The following ZRANB3 variants were observed in gnomAD, a reference collection of about 807,000 sequenced individuals.
ZRANB3 encodes the protein DNA annealing helicase and endonuclease ZRANB3.
In ZRANB3, 125 loss-of-function variants were observed where a neutral mutation model predicts 133.8. That is an observed-to-expected ratio of 0.93 (90% CI 0.81 to 1.08). The LOEUF (loss-of-function observed/expected upper bound fraction) is 1.08, where lower values mean the gene tolerates loss of function less well. ZRANB3 is among the 50% of genes least tolerant of loss of function. The pLI is 0.00. For synonymous variants in ZRANB3, 387 were observed against 432.7 expected, an observed-to-expected ratio of 0.89 and a Z score of 1.31; for missense variants, 1,229 against 1,275.5, an observed-to-expected ratio of 0.96 and a Z score of 0.56.
At chr2:135,427,682 C>A (rs1346454288) in intron 2 of ZRANB3, among the ~76,000 whole-genome samples, 1 of 152,114 alleles carries the variant, frequency 6.6e-6, no homozygotes, top group Non-Finnish European at 1.5e-5. Flanking sequence ...ACATTCTTCA[C>A]AGAATTAGAA....
intron 2 of ZRANB3, among the ~76,000 whole-genome samples, chr2:135,453,857 C>T (rs546738831): frequency 2.0e-5 from 3 of 152,364 alleles, no homozygotes; most frequent in South Asian, 4.1e-4. Context: ...GTCACTTCCA[C>T]ATTTTTGGGT....
Position 135,313,591 on chromosome 2 carries a change from G to A in ZRANB3, c.864C>T (p.Ser288=). Residue 288 remains serine, a synonymous_variant, in exon 8 of 21, where the codon AGC becomes AGT. Coordinates refer to ENST00000264159, the MANE Select transcript of ZRANB3 (RefSeq NM_032143.4). ...TCATTATTTTTTCCCACTCTTCAAAGCTGGTATTCAATTCCTATGTGGGAA... is the reference window on the plus strand; with the variant it reads ...TCATTATTTTTTCCCACTCTTCAAAACTGGTATTCAATTCCTATGTGGGAA... ...PSAAAKELNT[S]FEEWEKIMRT... is the part of the protein sequence containing the mutation. The A allele has an allele frequency of 1.2e-6, 2 of 1,612,208 alleles. No individual in the cohort carries two copies. The highest frequency in any genetic ancestry group is 1.6e-4 in the Middle Eastern group (1 of 6,062).
chr2:135,481,757 T>TG (rs1691826506), intron 2 of ZRANB3, among the ~76,000 whole-genome samples: 4 of 151,222 alleles, frequency 2.6e-5, no homozygotes, highest in Non-Finnish European at 5.9e-5. Flanking sequence ...AGGTATAACG[T>TG]TTAAGTCTTT....
intron 8 of ZRANB3, among the ~76,000 whole-genome samples, chr2:135,296,072 C>T (rs983734740): frequency 2.2e-4 from 33 of 152,092 alleles, no homozygotes; most frequent in Non-Finnish European, 4.3e-4. Context: ...TTGCTGTTCT[C>T]GAGGAGCATC....
At chr2:135,496,179 T>G (rs1692655060) in intron 2 of ZRANB3, among the ~76,000 whole-genome samples, 2 of 151,894 alleles carry the variant, frequency 1.3e-5, no homozygotes. Context: ...GATCAGGAGT[T>G]TGAGACCAGC....
chr2:135,467,841 T>G (rs891425585), intron 2 of ZRANB3, among the ~76,000 whole-genome samples: 3 of 152,222 alleles, frequency 2.0e-5, no homozygotes, highest in Non-Finnish European at 4.4e-5. Context: ...AGCACTGGCT[T>G]GGAATCAAAA....
chr2:135,517,327 T>A (rs1202497212), intron 1 of ZRANB3, among the ~76,000 whole-genome samples: 1 of 151,928 alleles, frequency 6.6e-6, no homozygotes, highest in Non-Finnish European at 1.5e-5. Flanking sequence ...TGGCGAGGAG[T>A]GATCCTTTGG....
chr2:135,333,401 A>C (rs1429769554), intron 6 of ZRANB3, among the ~76,000 whole-genome samples: 2 of 152,228 alleles, frequency 1.3e-5, no homozygotes, highest in South Asian at 2.1e-4. Context: ...CTTATATTAC[A>C]ATCTTTTTAA....
At chr2:135,234,582 A>G (rs923453398) in intron 12 of ZRANB3, among the ~76,000 whole-genome samples, 1 of 152,214 alleles carries the variant, frequency 6.6e-6, no homozygotes, top group Non-Finnish European at 1.5e-5. Flanking sequence ...AAATTATAAC[A>G]AACTGTCTCT....
At chr2:135,512,885 A>T (rs868321411) in intron 1 of ZRANB3, among the ~76,000 whole-genome samples, 125 of 152,288 alleles carry the variant, frequency 8.2e-4, no homozygotes, top group African/African-American at 2.6e-3. Flanking sequence ...AGTTTAACAC[A>T]TGTCTCTCAG....
intron 8 of ZRANB3, among the ~76,000 whole-genome samples, chr2:135,312,802 G>C (rs1683062010): frequency 6.6e-6 from 1 of 151,920 alleles, no homozygotes; most frequent in Non-Finnish European, 1.5e-5. Flanking sequence ...GATCACTTGA[G>C]GTCAGGAGTT....
intron 1 of ZRANB3, among the ~76,000 whole-genome samples, chr2:135,522,350 C>G (rs183222710): frequency 2.0e-5 from 3 of 152,144 alleles, no homozygotes; most frequent in Admixed American, 1.3e-4. Context: ...TACGAGCAAG[C>G]CTCCGATGCT....
chr2:135,485,531 T>A (rs1692075430), intron 2 of ZRANB3, among the ~76,000 whole-genome samples: 1 of 152,188 alleles, frequency 6.6e-6, no homozygotes, highest in African/African-American at 2.4e-5. Flanking sequence ...CAGTCACCAT[T>A]TACAGTGTCT....
At chr2:135,477,100 G>C (rs1261834676) in intron 2 of ZRANB3, among the ~76,000 whole-genome samples, 3 of 152,014 alleles carry the variant, frequency 2.0e-5, no homozygotes, top group Non-Finnish European at 4.4e-5. Context: ...TTTAATTAGT[G>C]ATTTTAAATT....
chr2:135,515,781 T>C (rs1432728820), intron 1 of ZRANB3, among the ~76,000 whole-genome samples: 2 of 152,262 alleles, frequency 1.3e-5, no homozygotes, highest in East Asian at 1.9e-4. Flanking sequence ...GAGAATTCTA[T>C]AGACGTCTAT....
At position 135,349,940 on chromosome 2, in the gene ZRANB3, C is replaced by A. The variant is rs773656699; in HGVS notation, c.591+44G>T. The A allele has an allele frequency of 1.0e-5, 16 of 1,567,532 alleles. No homozygotes were observed. The Admixed American group carries it at 2.5e-4, about 25-fold the overall frequency. On this transcript the variant is annotated intron_variant, in intron 5 of 20. Coordinates refer to ENST00000264159, the MANE Select transcript of ZRANB3 (RefSeq NM_032143.4). ...GTGGTTGATTCAATACGCCTCCCAC[C>A]CCCCTTCTCTTCTTTTAAGTTCGAA...
At chr2:135,381,194 G>A (rs1332323550) in intron 3 of ZRANB3, among the ~76,000 whole-genome samples, 1 of 152,184 alleles carries the variant, frequency 6.6e-6, no homozygotes, top group Non-Finnish European at 1.5e-5. Context: ...CGGCACACCA[G>A]GAGATTATAT....
At chr2:135,262,165 A>AAACAAAAC (rs1002215517) in intron 12 of ZRANB3, among the ~76,000 whole-genome samples, 5 of 150,764 alleles carry the variant, frequency 3.3e-5, no homozygotes, top group African/African-American at 1.2e-4. Context: ...TCTCCAAAAA[A>AAACAAAAC]AAAAAAAAAA....
At chr2:135,328,913 T>G (rs1683988525) in intron 6 of ZRANB3, among the ~76,000 whole-genome samples, 1 of 152,186 alleles carries the variant, frequency 6.6e-6, no homozygotes, top group South Asian at 2.1e-4. Flanking sequence ...TGGGGTTGAT[T>G]TTTTCTTGGA....
Sources: allele counts gnomAD v4.1 joint callset (sites outside exome capture counted in the v4.1 genomes callset), GRCh38; gene constraint gnomAD v4.1.1; transcripts MANE v1.5; gene names NCBI Gene and HGNC (gene_info 2026-07-23, HGNC 2026-07-21).